EPSTI1: variants seen among roughly 807,000 people sequenced by gnomAD.
The protein encoded by EPSTI1 is epithelial-stromal interaction protein 1.
In EPSTI1, 66 loss-of-function variants were observed where a neutral mutation model predicts 49.9. The ratio of observed to expected loss-of-function variants is 1.32; its 90% CI spans 1.08 to 1.62. The LOEUF (loss-of-function observed/expected upper bound fraction) is 1.62. Among genes scored for constraint, EPSTI1 ranks in the 40% most tolerant of loss-of-function variants. EPSTI1 has a pLI of 0.00. For missense variants in EPSTI1, 394 were observed against 365.5 expected, an observed-to-expected ratio of 1.08 and a Z score of -0.64; for synonymous variants, 137 against 130.7, an observed-to-expected ratio of 1.05 and a Z score of -0.33.
intron 9 of EPSTI1, among the ~76,000 whole-genome samples, chr13:42,896,643 A>G: frequency 6.6e-6 from 1 of 152,138 alleles, no homozygotes; most frequent in Non-Finnish European, 1.5e-5. Flanking sequence ...TAGTCCCCAT[A>G]CAACAACCTT....
At chr13:42,899,849 A>AT (rs202078120) in intron 9 of EPSTI1, among the ~76,000 whole-genome samples, 1 of 151,904 alleles carries the variant, frequency 6.6e-6, no homozygotes. Context: ...TGGTTCTAAG[A>AT]TTTTTTTTCT....
At chr13:42,960,779 C>T (rs748188061) in intron 5 of EPSTI1, among the ~76,000 whole-genome samples, 3 of 152,186 alleles carry the variant, frequency 2.0e-5, no homozygotes, top group Non-Finnish European at 2.9e-5. Context: ...ATGGCCCCTT[C>T]CTACATCTTC....
At chr13:42,968,951 CACAAT>C in intron 3 of EPSTI1, 138 bp downstream of exon 3, 1 of 673,550 alleles carries the variant, frequency 1.5e-6, no homozygotes, top group South Asian at 1.6e-5. Context: ...CACACACACA[CACAAT>C]TAAATGCATT....
intron 6 of EPSTI1, among the ~76,000 whole-genome samples, chr13:42,943,932 T>C (rs1227198903): frequency 1.3e-5 from 2 of 152,210 alleles, no homozygotes; most frequent in Non-Finnish European, 2.9e-5. Flanking sequence ...TCACTATCAC[T>C]GGTCATTAGA....
intron 6 of EPSTI1, among the ~76,000 whole-genome samples, chr13:42,931,168 G>A (rs1292078607): frequency 2.0e-5 from 3 of 148,624 alleles, no homozygotes; most frequent in African/African-American, 7.4e-5. Flanking sequence ...GCAAAGGAGA[G>A]TAGAGCTACC....
chr13:42,966,472 G>A lies in EPSTI1; in HGVS notation c.332-2333C>T, dbSNP rs1392440881. On this transcript the variant is annotated intron_variant, in intron 3 of 10. Transcript: ENST00000313624. ...ATGTGAGGAGCGCCTCTGCCCGGCC[G>A]AGACCCCGTCTGGGAGGTGAGGAGC... Among the ~76,000 whole-genome samples the A allele has an allele frequency of 1.8e-3, 64 of 36,562 alleles. 23 individuals are homozygous for A. The highest frequency in any genetic ancestry group is 2.0e-3 in the Admixed American group (6 of 3,032). 24.0% of individuals were successfully genotyped at this position (36,562 alleles called of 152,430 possible).
Position 42,968,954 on chromosome 13 carries a change from A to ACACAC in EPSTI1, c.331+139_331+140insGTGTG, listed in dbSNP as rs5803160. ...CACACACACACACACACACACACAC[A>ACACAC]ATTAAATGCATTCCACCCAAGCAGC... On this transcript the variant is annotated intron_variant, in intron 3 of 10. Transcript: ENST00000313624. 1.4e-3 allele frequency: 769 copies of ACACAC among 540,442 alleles called. 52 individuals carry two copies. Among genetic ancestry groups the ACACAC allele is most frequent in the African/African-American group, 7.1e-3 (325 of 46,082 alleles). 33.5% of individuals were successfully genotyped at this position (540,442 alleles called of 1,614,324 possible).
intron 6 of EPSTI1, among the ~76,000 whole-genome samples, chr13:42,953,115 T>C (rs2039150980): frequency 6.6e-6 from 1 of 152,186 alleles, no homozygotes; most frequent in Non-Finnish European, 1.5e-5. Context: ...ATAAAAGTTA[T>C]ATGATCCTAT....
chr13:42,944,138 A>G (rs941517498), intron 6 of EPSTI1, among the ~76,000 whole-genome samples: 2 of 152,198 alleles, frequency 1.3e-5, no homozygotes, highest in South Asian at 2.1e-4. Flanking sequence ...AGAAACAGCA[A>G]TATCATTTGA....
chr13:42,932,097 G>C (rs1295462480), intron 6 of EPSTI1, among the ~76,000 whole-genome samples: 3 of 146,186 alleles, frequency 2.1e-5, no homozygotes, highest in Non-Finnish European at 4.5e-5. Context: ...ACACCACAAT[G>C]CTCAGCTAAT....
intron 3 of EPSTI1, among the ~76,000 whole-genome samples, chr13:42,965,203 A>C (rs947027172): frequency 6.6e-6 from 1 of 152,178 alleles, no homozygotes; most frequent in Non-Finnish European, 1.5e-5. Context: ...AGGGGTAGAG[A>C]AATAGAGGAG....
intron 6 of EPSTI1, among the ~76,000 whole-genome samples, chr13:42,948,428 T>G (rs1269113152): frequency 2.1e-5 from 3 of 144,520 alleles, no homozygotes; most frequent in Non-Finnish European, 4.6e-5. Flanking sequence ...GCTTGTTGTT[T>G]TTTTTTTTTT....
intron 6 of EPSTI1, chr13:42,934,391 A>G (rs2038485324): frequency 6.4e-6 from 1 of 155,696 alleles, no homozygotes; most frequent in Admixed American, 6.5e-5. Context: ...GAACAACTGC[A>G]TCTGGGCTTG....
chr13:42,890,591 C>T (rs1369547754), intron 10 of EPSTI1, among the ~76,000 whole-genome samples: 3 of 152,108 alleles, frequency 2.0e-5, no homozygotes, highest in Non-Finnish European at 4.4e-5. Context: ...AGCTACCGCT[C>T]CCGGCTAATT....
chr13:42,962,642 T>C (rs1277286995), intron 5 of EPSTI1, among the ~76,000 whole-genome samples: 1 of 145,384 alleles, frequency 6.9e-6, no homozygotes, highest in Non-Finnish European at 1.5e-5. Context: ...AAAATAGCTA[T>C]AGTGGTGTTA....
intron 1 of EPSTI1, among the ~76,000 whole-genome samples, chr13:42,980,313 T>C (rs2039965039): frequency 6.6e-6 from 1 of 152,168 alleles, no homozygotes; most frequent in South Asian, 2.1e-4. Context: ...CTATTGGCAA[T>C]AGAAATCAAA....
intron 6 of EPSTI1, among the ~76,000 whole-genome samples, chr13:42,940,663 C>A (rs1450499049): frequency 6.6e-6 from 1 of 152,190 alleles, no homozygotes; most frequent in Admixed American, 6.5e-5. Context: ...CAGCCTCTAA[C>A]TCCTGGCTCA....
At chr13:42,949,341 G>A (rs185301431) in intron 6 of EPSTI1, among the ~76,000 whole-genome samples, 3 of 152,276 alleles carry the variant, frequency 2.0e-5, no homozygotes, top group Non-Finnish European at 2.9e-5. Flanking sequence ...TGTAATCCCA[G>A]CACTTTGGGA....
intron 6 of EPSTI1, among the ~76,000 whole-genome samples, chr13:42,944,166 C>G (rs934072746): frequency 2.0e-5 from 3 of 152,206 alleles, no homozygotes; most frequent in African/African-American, 4.8e-5. Context: ...GTCCCATTAT[C>G]GGGTATATAC....
Sources: gnomAD v4.1 joint callset for allele counts (sites outside exome capture counted in the v4.1 genomes callset) on GRCh38, gnomAD v4.1.1 for gene constraint, MANE v1.5 for transcripts, NCBI Gene and HGNC (gene_info 2026-07-23, HGNC 2026-07-21) for gene names.